The following C8orf34 variants were observed in gnomAD, a reference collection of about 807,000 sequenced individuals.
C8orf34 encodes the protein uncharacterized protein C8orf34.
In C8orf34, 65 loss-of-function variants were observed where a neutral mutation model predicts 68.3. The ratio of observed to expected loss-of-function variants is 0.95; its 90% CI spans 0.78 to 1.17. C8orf34 has a LOEUF of 1.17. Ranked by LOEUF, C8orf34 falls within the 50% of genes most tolerant of loss-of-function variation. The pLI is 0.00. For missense variants in C8orf34, 664 were observed against 655.4 expected, an observed-to-expected ratio of 1.01 and a Z score of -0.14; for synonymous variants, 244 against 241.2, an observed-to-expected ratio of 1.01 and a Z score of -0.11.
chr8:68,735,832 C>T (rs1822107106), intron 10 of C8orf34, among the ~76,000 whole-genome samples: 1 of 152,050 alleles, frequency 6.6e-6, no homozygotes. Context: ...TGTCCTGACC[C>T]AAATTTGTAA....
chr8:68,669,502 G>A (rs1183719787), intron 8 of C8orf34, among the ~76,000 whole-genome samples: 1 of 152,126 alleles, frequency 6.6e-6, no homozygotes, highest in African/African-American at 2.4e-5. Flanking sequence ...GAGTAGGATG[G>A]CTCACAAGAA....
intron 2 of C8orf34, among the ~76,000 whole-genome samples, chr8:68,441,599 A>G (rs1283033791): frequency 6.6e-6 from 1 of 151,778 alleles, no homozygotes; most frequent in East Asian, 2.0e-4. Context: ...CCTGAGCTCA[A>G]GTGATCCTCC....
intron 5 of C8orf34, among the ~76,000 whole-genome samples, chr8:68,519,071 A>T (rs1379317128): frequency 6.6e-6 from 1 of 152,204 alleles, no homozygotes; most frequent in Non-Finnish European, 1.5e-5. Context: ...GATCAAGCGT[A>T]TTAAAGTAAG....
At chr8:68,356,636 G>A (rs778971126) in intron 1 of C8orf34, among the ~76,000 whole-genome samples, 1 of 152,110 alleles carries the variant, frequency 6.6e-6, no homozygotes, top group Non-Finnish European at 1.5e-5. Context: ...ATGAAATTAA[G>A]TATGTGAATT....
chr8:68,426,185 C>A (rs533274574), intron 1 of C8orf34, among the ~76,000 whole-genome samples: 14 of 151,792 alleles, frequency 9.2e-5, no homozygotes, highest in Non-Finnish European at 1.6e-4. Flanking sequence ...AAGACCACAT[C>A]AAAATTTAAA....
At chr8:68,434,552 G>A (rs907372765) in intron 1 of C8orf34, among the ~76,000 whole-genome samples, 2 of 152,082 alleles carry the variant, frequency 1.3e-5, no homozygotes, top group African/African-American at 4.8e-5. Context: ...TATCACTGAT[G>A]GGCATTTGCA....
chr8:68,520,275 A>G (rs1454943032), intron 5 of C8orf34, among the ~76,000 whole-genome samples: 1 of 152,134 alleles, frequency 6.6e-6, no homozygotes, highest in African/African-American at 2.4e-5. Context: ...ATGCTCATCA[A>G]ATATGTTCTA....
chr8:68,488,913 A>G (rs1813190602), intron 5 of C8orf34, among the ~76,000 whole-genome samples: 1 of 152,168 alleles, frequency 6.6e-6, no homozygotes, highest in South Asian at 2.1e-4. Flanking sequence ...ATCTATCAAT[A>G]TTAGATTCTT....
intron 10 of C8orf34, among the ~76,000 whole-genome samples, chr8:68,740,009 C>A (rs530380792): frequency 1.3e-5 from 2 of 152,216 alleles, no homozygotes; most frequent in Admixed American, 6.5e-5. Context: ...GGGGAAAAGA[C>A]TTCCTATTCA....
intron 1 of C8orf34, among the ~76,000 whole-genome samples, chr8:68,381,320 T>A (rs1438034914): frequency 6.6e-6 from 1 of 152,234 alleles, no homozygotes; most frequent in Non-Finnish European, 1.5e-5. Context: ...GATGCTTACA[T>A]CTCATATATG....
chr8:68,388,483 A>T (rs1808352458), intron 1 of C8orf34, among the ~76,000 whole-genome samples: 1 of 151,988 alleles, frequency 6.6e-6, no homozygotes, highest in East Asian at 1.9e-4. Context: ...TCTATTAAAA[A>T]ATCTCCTATT....
chr8:68,797,431 T>C (rs1043809152), intron 12 of C8orf34, among the ~76,000 whole-genome samples: 1 of 152,084 alleles, frequency 6.6e-6, no homozygotes, highest in Non-Finnish European at 1.5e-5. Flanking sequence ...CTCTCATTAC[T>C]AGGAGTGACA....
chr8:68,692,799 T>G (rs988796354), intron 8 of C8orf34, among the ~76,000 whole-genome samples: 2 of 152,124 alleles, frequency 1.3e-5, no homozygotes, highest in East Asian at 1.9e-4. Context: ...AGAGCTTTTC[T>G]GTATCTGCTG....
At chr8:68,776,217 CTCTT>C (rs1823512570) in intron 10 of C8orf34, among the ~76,000 whole-genome samples, 178 bp from the exon 11 acceptor site, 1 of 152,040 alleles carries the variant, frequency 6.6e-6, no homozygotes, top group Admixed American at 6.5e-5. Flanking sequence ...TTTGCAAAAA[CTCTT>C]TTCTTTTTTT....
At chr8:68,756,242 A>G (rs1210353827) in intron 10 of C8orf34, among the ~76,000 whole-genome samples, 2 of 152,124 alleles carry the variant, frequency 1.3e-5, no homozygotes, top group East Asian at 3.9e-4. Flanking sequence ...GGATTCAGGG[A>G]CTTTATTTTT....
chr8:68,386,531 G>A (rs913315002), intron 1 of C8orf34, among the ~76,000 whole-genome samples: 17 of 152,148 alleles, frequency 1.1e-4, no homozygotes, highest in Non-Finnish European at 2.5e-4. Context: ...CCATCCTAAT[G>A]ATATTAACTG....
At chr8:68,745,826 C>T (rs1287220378) in intron 10 of C8orf34, among the ~76,000 whole-genome samples, 20 of 152,184 alleles carry the variant, frequency 1.3e-4, no homozygotes, top group Admixed American at 3.9e-4. Flanking sequence ...GACAGATCAA[C>T]GAGACAGAAA....
At chr8:68,664,230 G>A (rs1294589757) in intron 8 of C8orf34, among the ~76,000 whole-genome samples, 2 of 152,124 alleles carry the variant, frequency 1.3e-5, no homozygotes, top group South Asian at 2.1e-4. Flanking sequence ...CTCCTCAGGG[G>A]TTAGTTTTGG....
intron 8 of C8orf34, among the ~76,000 whole-genome samples, chr8:68,671,003 A>G (rs1446365667): frequency 6.6e-6 from 1 of 152,204 alleles, no homozygotes; most frequent in African/African-American, 2.4e-5. Context: ...CTCCCTATCT[A>G]GCACAACTTA....
Sources: gnomAD v4.1 joint callset for allele counts (sites outside exome capture counted in the v4.1 genomes callset) on GRCh38, gnomAD v4.1.1 for gene constraint, MANE v1.5 for transcripts, NCBI Gene and HGNC (gene_info 2026-07-23, HGNC 2026-07-21) for gene names.